NRG1: variants seen among roughly 807,000 people sequenced by gnomAD.
NRG1 encodes the protein neuregulin 1, also known as pro-neuregulin-1, membrane-bound isoform.
A neutral mutation model predicts 63.8 loss-of-function variants in NRG1; 18 were observed. The observed-to-expected ratio is 0.28, with a 90% CI of 0.19 to 0.42. The LOEUF (loss-of-function observed/expected upper bound fraction) is 0.42. NRG1 is among the 10% of genes least tolerant of loss of function. The pLI is 1.00. For synonymous variants in NRG1, 302 were observed against 301.3 expected (o/e 1.00, Z -0.02); for missense variants, 762 against 814.7 (o/e 0.94, Z 0.79).
chr8:32,074,925 TAAAAC>T (rs1395229281), intron 1 of NRG1, among the ~76,000 whole-genome samples: 1 of 152,246 alleles, frequency 6.6e-6, no homozygotes, highest in Non-Finnish European at 1.5e-5. Flanking sequence ...ATATAGTAGT[TAAAAC>T]AAGGCCCCTT....
At chr8:31,678,759 TAATC>T (rs1211689110) in intron 1 of NRG1, among the ~76,000 whole-genome samples, 15 of 148,008 alleles carry the variant, frequency 1.0e-4, no homozygotes, top group Non-Finnish European at 1.0e-4. Flanking sequence ...TTAAGTTAAA[TAATC>T]AAATAATATT....
intron 1 of NRG1, among the ~76,000 whole-genome samples, chr8:32,572,884 TAAATA>T (rs1237847750): frequency 1.3e-5 from 2 of 152,184 alleles, no homozygotes; most frequent in Non-Finnish European, 2.9e-5. Flanking sequence ...ACACACCAAA[TAAATA>T]AATATCAAAT....
chr8:32,292,722 T>C (rs1226268172), intron 1 of NRG1, among the ~76,000 whole-genome samples: 3 of 152,312 alleles, frequency 2.0e-5, no homozygotes, highest in Admixed American at 6.5e-5. Context: ...TAAAAGCCAA[T>C]GCATTCCACT....
At chr8:32,317,179 G>A (rs1173476908) in intron 1 of NRG1, among the ~76,000 whole-genome samples, 1 of 152,152 alleles carries the variant, frequency 6.6e-6, no homozygotes. Flanking sequence ...CTATAAACAT[G>A]TTATCTCAGT....
At chr8:32,095,701 T>G (rs1426377051) in intron 1 of NRG1, among the ~76,000 whole-genome samples, 1 of 152,186 alleles carries the variant, frequency 6.6e-6, no homozygotes, top group Non-Finnish European at 1.5e-5. Flanking sequence ...CCGAATGAAT[T>G]AATTGTTGTG....
At chr8:31,834,407 T>C (rs1369007593) in intron 1 of NRG1, among the ~76,000 whole-genome samples, 1 of 152,216 alleles carries the variant, frequency 6.6e-6, no homozygotes, top group African/African-American at 2.4e-5. Flanking sequence ...GCAATTAATC[T>C]GTAGAAGATG....
chr8:32,251,968 CAT>C (rs746225273), intron 1 of NRG1, among the ~76,000 whole-genome samples: 14 of 152,136 alleles, frequency 9.2e-5, no homozygotes, highest in Non-Finnish European at 1.9e-4. Flanking sequence ...ACGATTTTTT[CAT>C]ATGTTTGTTA....
chr8:31,969,310 T>C (rs1292757497), intron 1 of NRG1, among the ~76,000 whole-genome samples: 1 of 152,230 alleles, frequency 6.6e-6, no homozygotes, highest in Non-Finnish European at 1.5e-5. Flanking sequence ...AATACTAATA[T>C]CATTTTGGGA....
chr8:31,902,656 C>T (rs905785315), intron 1 of NRG1, among the ~76,000 whole-genome samples: 1 of 151,894 alleles, frequency 6.6e-6, no homozygotes, highest in Non-Finnish European at 1.5e-5. Context: ...TTCTTAAGTA[C>T]TTTAGTCTGC....
intron 1 of NRG1, among the ~76,000 whole-genome samples, chr8:32,083,205 A>G (rs1285695471): frequency 1.3e-5 from 2 of 152,218 alleles, no homozygotes; most frequent in Middle Eastern, 3.2e-3. Flanking sequence ...ACATGCACAC[A>G]AAGTTGAATG....
At chr8:32,148,889 G>A (rs1837195122) in intron 1 of NRG1, among the ~76,000 whole-genome samples, 1 of 152,180 alleles carries the variant, frequency 6.6e-6, no homozygotes. Context: ...TTAAGTTGCA[G>A]AGTTGGGAGC....
At chr8:32,394,856 C>T (rs1317832685) in intron 1 of NRG1, among the ~76,000 whole-genome samples, 1 of 152,104 alleles carries the variant, frequency 6.6e-6, no homozygotes, top group Non-Finnish European at 1.5e-5. Context: ...TTAAGAAGAT[C>T]GCTTTTTCAG....
intron 1 of NRG1, among the ~76,000 whole-genome samples, chr8:32,101,538 A>G (rs1489312171): frequency 1.3e-5 from 2 of 148,982 alleles, no homozygotes; most frequent in East Asian, 3.9e-4. Context: ...AATATGACCT[A>G]GACTGTGTTG....
intron 1 of NRG1, among the ~76,000 whole-genome samples, chr8:31,682,431 G>A (rs987910497): frequency 3.9e-4 from 60 of 152,216 alleles, no homozygotes; most frequent in African/African-American, 1.2e-3. Context: ...TCAGAGGTTC[G>A]TTAGCAGAAT....
intron 1 of NRG1, among the ~76,000 whole-genome samples, chr8:31,943,805 A>G (rs185944875): frequency 1.3e-5 from 2 of 152,314 alleles, no homozygotes; most frequent in Admixed American, 1.3e-4. Flanking sequence ...GAACCTTCAT[A>G]AAAAGACATC....
At chr8:31,690,382 G>C (rs1809372634) in intron 1 of NRG1, among the ~76,000 whole-genome samples, 1 of 152,200 alleles carries the variant, frequency 6.6e-6, no homozygotes, top group Non-Finnish European at 1.5e-5. Flanking sequence ...TTTGAGTAAA[G>C]ACTTTGAGGA....
At position 32,147,817 on chromosome 8, in the gene NRG1, A is replaced by G. The variant is rs182143514; in HGVS notation, c.38-448011A>G. On this transcript the variant is annotated intron_variant, in intron 1 of 10. Transcript: ENST00000519301. ...TGCCTAGAGAGGTGTTCACTGAACT[A>G]CTAATGGTGGTTTCCTCTTCTGTGG... is the stretch of plus-strand genomic sequence containing the variant. Among the ~76,000 whole-genome samples the G allele has an allele frequency of 2.6e-3, 390 of 152,304 alleles. 1 individual carries two copies. The highest frequency in any genetic ancestry group is 9.1e-3 in the African/African-American group (377 of 41,568).
chr8:32,592,931 A>T lies in NRG1; in HGVS notation c.101-2897A>T, dbSNP rs182822973. Among the ~76,000 whole-genome samples the T allele has an allele frequency of 5.4e-4, 82 of 152,322 alleles. 1 individual carries two copies. Among genetic ancestry groups the T allele is most frequent in the Non-Finnish European group, 8.8e-5 (6 of 68,030 alleles). Reference sequence around the variant, plus strand: ...TGGAAGTCTTATCGATCACACAAACAGTTGATTAATAAATATTTTTAACTT... The same window carrying T: ...TGGAAGTCTTATCGATCACACAAACTGTTGATTAATAAATATTTTTAACTT... On this transcript the variant is annotated intron_variant, in intron 1 of 11. Transcript: ENST00000356819.
intron 5 of NRG1, among the ~76,000 whole-genome samples, chr8:32,649,593 T>A (rs963430115): frequency 3.9e-5 from 6 of 152,184 alleles, no homozygotes; most frequent in African/African-American, 9.7e-5. Context: ...GAATACCTTT[T>A]CCAGACATCA....
Sources: gnomAD v4.1 joint callset for allele counts (sites outside exome capture counted in the v4.1 genomes callset) on GRCh38, gnomAD v4.1.1 for gene constraint, MANE v1.5 for transcripts, NCBI Gene and HGNC (gene_info 2026-07-23, HGNC 2026-07-21) for gene names.